FHIT: variants seen among roughly 807,000 people sequenced by gnomAD.
The protein encoded by FHIT is fragile histidine triad diadenosine triphosphatase.
FHIT carries 19 observed loss-of-function variants against 17.9 expected under a neutral mutation model. The ratio of observed to expected loss-of-function variants is 1.06; its 90% CI spans 0.74 to 1.56. The LOEUF (loss-of-function observed/expected upper bound fraction) is 1.56, where lower values mean the gene tolerates loss of function less well. Among genes scored for constraint, FHIT ranks in the 40% most tolerant of loss-of-function variants. The probability of loss-of-function intolerance (pLI) is 0.00; values close to 1 mark genes in which losing one functional copy is unlikely to be tolerated. For synonymous variants in FHIT, 81 were observed against 69.7 expected, an observed-to-expected ratio of 1.16 and a Z score of -0.81; for missense variants, 248 against 189.2, an observed-to-expected ratio of 1.31 and a Z score of -1.82.
intron 3 of FHIT, among the ~76,000 whole-genome samples, chr3:60,956,833 T>A (rs1709190544): frequency 6.6e-6 from 1 of 152,224 alleles, no homozygotes; most frequent in African/African-American, 2.4e-5. Flanking sequence ...TCTTGATTTT[T>A]AAAATACATC....
At chr3:60,462,809 T>C (rs1330753902) in intron 5 of FHIT, among the ~76,000 whole-genome samples, 1 of 152,210 alleles carries the variant, frequency 6.6e-6, no homozygotes, top group East Asian at 1.9e-4. Flanking sequence ...GGGAGATCAC[T>C]GGGCTAATAC....
chr3:59,962,527 G>GTC (rs1015903398), intron 7 of FHIT, among the ~76,000 whole-genome samples: 1 of 152,174 alleles, frequency 6.6e-6, no homozygotes, highest in Non-Finnish European at 1.5e-5. Flanking sequence ...AGGGGAGGGA[G>GTC]TCTGTTAGGA....
chr3:60,500,387 T>C (rs921876144), intron 5 of FHIT, among the ~76,000 whole-genome samples: 4 of 152,234 alleles, frequency 2.6e-5, no homozygotes, highest in African/African-American at 9.6e-5. Context: ...TGGTCCATTG[T>C]GTGTTTTTAT....
intron 3 of FHIT, among the ~76,000 whole-genome samples, chr3:60,903,197 G>A (rs1441423013): frequency 1.3e-5 from 2 of 152,196 alleles, no homozygotes; most frequent in African/African-American, 2.4e-5. Flanking sequence ...AGTGATGACG[G>A]TGAGAGAGAA....
intron 8 of FHIT, among the ~76,000 whole-genome samples, chr3:59,882,723 T>C (rs1396164042): frequency 2.6e-5 from 4 of 152,152 alleles, no homozygotes; most frequent in East Asian, 1.9e-4. Flanking sequence ...CCCTGGCAAA[T>C]GGTGCTGCTC....
At chr3:60,140,385 A>T (rs1003400310) in intron 5 of FHIT, among the ~76,000 whole-genome samples, 3 of 152,012 alleles carry the variant, frequency 2.0e-5, no homozygotes, top group African/African-American at 7.2e-5. Context: ...TGGATCAATG[A>T]AAGTTCTCCG....
intron 3 of FHIT, among the ~76,000 whole-genome samples, chr3:60,860,359 GAC>G (rs1703646754): frequency 7.0e-6 from 1 of 143,184 alleles, no homozygotes; most frequent in African/African-American, 2.8e-5. Context: ...ATGTATACAT[GAC>G]ATACATCATA....
At chr3:60,178,021 G>C (rs777730357) in intron 5 of FHIT, among the ~76,000 whole-genome samples, 1 of 152,162 alleles carries the variant, frequency 6.6e-6, no homozygotes, top group African/African-American at 2.4e-5. Context: ...AGACAAGATT[G>C]GTTTCATACC....
intron 3 of FHIT, among the ~76,000 whole-genome samples, chr3:60,996,404 T>G (rs1329193100): frequency 6.6e-6 from 1 of 152,208 alleles, no homozygotes; most frequent in African/African-American, 2.4e-5. Flanking sequence ...AACTCTATCT[T>G]GTCAAACCAA....
intron 7 of FHIT, among the ~76,000 whole-genome samples, chr3:59,943,269 G>T (rs1027269333): frequency 1.3e-5 from 2 of 151,992 alleles, no homozygotes; most frequent in East Asian, 1.9e-4. Flanking sequence ...ACCATTTGCA[G>T]GTTGACAGAG....
intron 5 of FHIT, among the ~76,000 whole-genome samples, chr3:60,234,432 T>C (rs1436198157): frequency 1.3e-5 from 2 of 152,198 alleles, no homozygotes; most frequent in African/African-American, 4.8e-5. Context: ...ACACAATACA[T>C]GCACATACAC....
At chr3:59,809,632 G>A (rs1700336156) in intron 8 of FHIT, among the ~76,000 whole-genome samples, 1 of 152,186 alleles carries the variant, frequency 6.6e-6, no homozygotes, top group Non-Finnish European at 1.5e-5. Context: ...TTCAACTTCT[G>A]AACACGGGTT....
intron 3 of FHIT, among the ~76,000 whole-genome samples, chr3:60,924,246 G>A (rs561113919): frequency 7.2e-5 from 11 of 152,288 alleles, no homozygotes; most frequent in East Asian, 3.9e-4. Flanking sequence ...ATCTAAGAAC[G>A]GACAAAATGC....
intron 5 of FHIT, among the ~76,000 whole-genome samples, chr3:60,217,597 C>T (rs1703757185): frequency 6.6e-6 from 1 of 152,134 alleles, no homozygotes; most frequent in Non-Finnish European, 1.5e-5. Context: ...AGAATAAAAC[C>T]TACGCTAGTC....
chr3:59,768,784 G>A (rs1207710214), intron 8 of FHIT, among the ~76,000 whole-genome samples: 2 of 152,310 alleles, frequency 1.3e-5, no homozygotes, highest in East Asian at 3.9e-4. Flanking sequence ...CCTCAAATAA[G>A]AGTTTAATTA....
chr3:59,979,180 A>G (rs1197104349), intron 7 of FHIT, among the ~76,000 whole-genome samples: 2 of 152,120 alleles, frequency 1.3e-5, no homozygotes, highest in Admixed American at 6.6e-5. Context: ...GGCCACCCAG[A>G]CTTTCAAATC....
chr3:60,717,986 A>C (rs1258627451), intron 4 of FHIT, among the ~76,000 whole-genome samples: 1 of 152,200 alleles, frequency 6.6e-6, no homozygotes, highest in Non-Finnish European at 1.5e-5. Context: ...AAAATAGCCA[A>C]TGTTTTTTAA....
At chr3:60,983,322 T>C (rs943360004) in intron 3 of FHIT, among the ~76,000 whole-genome samples, 2 of 152,028 alleles carry the variant, frequency 1.3e-5, no homozygotes, top group Admixed American at 1.3e-4. Flanking sequence ...AACAAGCAGA[T>C]AGATACAAGG....
intron 3 of FHIT, among the ~76,000 whole-genome samples, chr3:60,980,689 G>C (rs1213587928): frequency 1.3e-5 from 2 of 152,144 alleles, no homozygotes; most frequent in African/African-American, 4.8e-5. Flanking sequence ...TCTTTCTCTA[G>C]GTGAAGTCAG....
Sources: allele counts gnomAD v4.1 joint callset (sites outside exome capture counted in the v4.1 genomes callset), GRCh38; gene constraint gnomAD v4.1.1; transcripts MANE v1.5; gene names NCBI Gene and HGNC (gene_info 2026-07-23, HGNC 2026-07-21).